Variants in SLC24A3 observed in about 807,000 individuals in gnomAD.
SLC24A3 encodes the protein sodium/potassium/calcium exchanger 3.
Under a neutral mutation model 75.8 loss-of-function variants are expected in SLC24A3, and 28 were observed. The ratio of observed to expected loss-of-function variants is 0.37; its 90% CI spans 0.27 to 0.51. The LOEUF (loss-of-function observed/expected upper bound fraction) is 0.51. Among genes scored for constraint, SLC24A3 ranks in the 20% least tolerant of loss-of-function variants. SLC24A3 has a pLI of 0.94. For missense variants in SLC24A3, 663 were observed against 847.8 expected, an observed-to-expected ratio of 0.78 and a Z score of 2.71; for synonymous variants, 372 against 334.1, an observed-to-expected ratio of 1.11 and a Z score of -1.24.
intron 2 of SLC24A3, among the ~76,000 whole-genome samples, chr20:19,489,589 C>T (rs544661268): frequency 2.0e-5 from 3 of 152,070 alleles, no homozygotes; most frequent in Non-Finnish European, 4.4e-5. Context: ...TTTACTTTTT[C>T]AAATGAGCCC....
In SLC24A3 at chr20:19,277,577, ATTC is replaced by A. The variant is rs1331593935; in HGVS notation, c.143-3376_143-3374del. Among the ~76,000 whole-genome samples the A allele has an allele frequency of 5.3e-5, 8 of 152,342 alleles. No individual in the cohort carries two copies. In the East Asian group the frequency reaches 1.2e-3, roughly 22 times the overall value. On this transcript the variant is annotated intron_variant, in intron 1 of 16. Transcript: ENST00000328041. ...AATGGATGCAATGCATTGCTTCATC[ATTC>A]TTCTTTTCTCAGACTCTGGTCTCTG...
chr20:19,688,398 C>T (rs1234851918), intron 12 of SLC24A3, among the ~76,000 whole-genome samples: 2 of 152,254 alleles, frequency 1.3e-5, no homozygotes, highest in Admixed American at 1.3e-4. Context: ...ACTGTCTCTT[C>T]CCCTCCACCA....
Position 19,457,882 on chromosome 20 carries a change from C to A in SLC24A3, c.272-57606C>A, listed in dbSNP as rs184816109. 3.1e-3 allele frequency among the ~76,000 whole-genome samples: 474 copies of A among 152,298 alleles called. 13 individuals carry two copies. The highest frequency in any genetic ancestry group is 0.03 in the Admixed American group (460 of 15,272). ...TTCAGCCTGTGGTAATCGAGAGTGGCAGCTCCAGCTATGAGGTTCAGAGGT... is the reference window on the plus strand; with the variant it reads ...TTCAGCCTGTGGTAATCGAGAGTGGAAGCTCCAGCTATGAGGTTCAGAGGT... On this transcript the variant is annotated intron_variant, in intron 2 of 16. Coordinates refer to ENST00000328041, the MANE Select transcript of SLC24A3 (RefSeq NM_020689.4).
intron 2 of SLC24A3, among the ~76,000 whole-genome samples, chr20:19,313,787 T>C (rs758285674): frequency 6.6e-6 from 1 of 152,218 alleles, no homozygotes; most frequent in Non-Finnish European, 1.5e-5. Context: ...AAGTTTCTCT[T>C]GTGCTTGAAC....
At chr20:19,305,215 G>A (rs1984295190) in intron 2 of SLC24A3, among the ~76,000 whole-genome samples, 2 of 152,142 alleles carry the variant, frequency 1.3e-5, no homozygotes, top group African/African-American at 4.8e-5. Context: ...CTCCCCAGGA[G>A]TCCCCAGCAT....
intron 2 of SLC24A3, among the ~76,000 whole-genome samples, chr20:19,411,897 A>C (rs981657179): frequency 6.6e-6 from 1 of 152,142 alleles, no homozygotes; most frequent in Non-Finnish European, 1.5e-5. Flanking sequence ...CTTTGTGTTC[A>C]TCTCAGGACT....
At chr20:19,231,949 C>G (rs1982033766) in intron 1 of SLC24A3, among the ~76,000 whole-genome samples, 1 of 152,200 alleles carries the variant, frequency 6.6e-6, no homozygotes, top group Non-Finnish European at 1.5e-5. Flanking sequence ...TGTCAGCTCC[C>G]TAAGAGCAGA....
chr20:19,590,376 C>G (rs1438553433), intron 6 of SLC24A3, among the ~76,000 whole-genome samples: 1 of 152,022 alleles, frequency 6.6e-6, no homozygotes, highest in Non-Finnish European at 1.5e-5. Context: ...AGACAAAACC[C>G]AACACACAGC....
At chr20:19,310,043 C>G (rs1474387760) in intron 2 of SLC24A3, among the ~76,000 whole-genome samples, 1 of 152,206 alleles carries the variant, frequency 6.6e-6, no homozygotes, top group African/African-American at 2.4e-5. Context: ...CAGAGCCGGA[C>G]TTGACATTGG....
intron 3 of SLC24A3, among the ~76,000 whole-genome samples, chr20:19,523,685 T>C (rs1366613678): frequency 6.6e-6 from 1 of 152,212 alleles, no homozygotes; most frequent in African/African-American, 2.4e-5. Flanking sequence ...CCACTTTAGC[T>C]TGTAGCCATG....
chr20:19,666,992 G>A (rs900419765), intron 8 of SLC24A3, among the ~76,000 whole-genome samples: 1 of 152,196 alleles, frequency 6.6e-6, no homozygotes, highest in Non-Finnish European at 1.5e-5. Context: ...ATTAGGAATA[G>A]GCGTAGGTAG....
intron 6 of SLC24A3, among the ~76,000 whole-genome samples, chr20:19,592,621 G>A (rs561306691): frequency 6.5e-4 from 99 of 152,126 alleles, no homozygotes; most frequent in African/African-American, 2.1e-3. Flanking sequence ...GGAACCTCTC[G>A]TGGCCAGGGG....
chr20:19,575,032 T>G (rs1168618711), intron 3 of SLC24A3, among the ~76,000 whole-genome samples: 1 of 152,018 alleles, frequency 6.6e-6, no homozygotes, highest in African/African-American at 2.4e-5. Context: ...GGTAGATCAC[T>G]TGAGCTCAGG....
chr20:19,619,337 C>A (rs1053663404), intron 6 of SLC24A3, among the ~76,000 whole-genome samples: 1 of 152,170 alleles, frequency 6.6e-6, no homozygotes, highest in Non-Finnish European at 1.5e-5. Context: ...AGAGACCATA[C>A]ATGGAGAGAG....
chr20:19,537,164 T>A (rs1213841939), intron 3 of SLC24A3, among the ~76,000 whole-genome samples: 3 of 151,888 alleles, frequency 2.0e-5, no homozygotes, highest in African/African-American at 7.3e-5. Context: ...TACAATGAAC[T>A]CAAACAAATT....
rs927323232 is a variant in SLC24A3, at chr20:19,270,663, C to T, written c.143-10296C>T. ...TCTGGTCTTATTACCTAATTACCTC[C>T]CAATTGGGAGTTAGGATTTCCACAT... On this transcript the variant is annotated intron_variant, in intron 1 of 16. Coordinates refer to ENST00000328041, the MANE Select transcript of SLC24A3 (RefSeq NM_020689.4). 2.6e-5 allele frequency among the ~76,000 whole-genome samples: 4 copies of T among 152,110 alleles called. No homozygotes were observed. In the East Asian group the frequency reaches 7.7e-4, roughly 29 times the overall value.
chr20:19,547,393 T>A (rs971011541), intron 3 of SLC24A3, among the ~76,000 whole-genome samples: 1 of 152,214 alleles, frequency 6.6e-6, no homozygotes, highest in African/African-American at 2.4e-5. Context: ...GAGTAAGGAC[T>A]GGCTGCAAAT....
intron 3 of SLC24A3, among the ~76,000 whole-genome samples, chr20:19,546,172 A>AAAAAAAAAAAAAAAAAAAAC (rs2030589781): frequency 6.7e-6 from 1 of 148,880 alleles, no homozygotes; most frequent in Non-Finnish European, 1.5e-5. Flanking sequence ...AAAAAAAAAA[A>AAAAAAAAAAAAAAAAAAAAC]AAAAAAAAAA....
intron 2 of SLC24A3, among the ~76,000 whole-genome samples, chr20:19,447,044 G>T (rs908626207): frequency 3.3e-5 from 5 of 152,140 alleles, no homozygotes; most frequent in African/African-American, 1.2e-4. Context: ...TGAGCAGAAA[G>T]TACCTTGTTT....
Sources: gnomAD v4.1 joint callset for allele counts (sites outside exome capture counted in the v4.1 genomes callset) on GRCh38, gnomAD v4.1.1 for gene constraint, MANE v1.5 for transcripts, NCBI Gene and HGNC (gene_info 2026-07-23, HGNC 2026-07-21) for gene names.